The following TUSC3 variants were observed in gnomAD, a reference collection of about 807,000 sequenced individuals.
TUSC3 encodes tumor suppressor candidate 3.
TUSC3 carries 45 observed loss-of-function variants against 44.8 expected under a neutral mutation model. The ratio of observed to expected loss-of-function variants is 1.00; its 90% CI spans 0.79 to 1.29. The LOEUF (loss-of-function observed/expected upper bound fraction) is 1.29, where lower values mean the gene tolerates loss of function less well. Ranked by LOEUF, TUSC3 falls within the 50% of genes most tolerant of loss-of-function variation. TUSC3 has a pLI of 0.00. For synonymous variants in TUSC3, 212 were observed against 152.9 expected, an observed-to-expected ratio of 1.39 and a Z score of -2.85; for missense variants, 519 against 437.9, an observed-to-expected ratio of 1.19 and a Z score of -1.65.
the TUSC3 span, among the ~76,000 whole-genome samples, chr8:15,842,698 A>C: frequency 2.6e-5 from 4 of 152,328 alleles, no homozygotes; most frequent in South Asian, 6.2e-4. Context: ...AGAAAAACAG[A>C]AAAATTTTTG....
chr8:15,805,303 C>T, the TUSC3 span, among the ~76,000 whole-genome samples: 2 of 151,996 alleles, frequency 1.3e-5, no homozygotes, highest in Non-Finnish European at 2.9e-5. Flanking sequence ...TTCTCCTTTC[C>T]TATTTGGGTG....
intron 1 of TUSC3, among the ~76,000 whole-genome samples, chr8:15,563,792 A>C (rs1363643509): frequency 1.3e-5 from 2 of 152,014 alleles, no homozygotes; most frequent in Admixed American, 1.3e-4. Context: ...TGATACTGAG[A>C]AAATAGTTAT....
At chr8:15,421,585 T>C (rs749311945) in intron 1 of TUSC3, among the ~76,000 whole-genome samples, 5 of 152,182 alleles carry the variant, frequency 3.3e-5, no homozygotes, top group African/African-American at 4.8e-5. Context: ...TTTAGTTATT[T>C]GTTATTGTCT....
intron 1 of TUSC3, among the ~76,000 whole-genome samples, chr8:15,606,462 G>A (rs1389957193): frequency 6.6e-6 from 1 of 152,012 alleles, no homozygotes; most frequent in Admixed American, 6.6e-5. Flanking sequence ...TTTTGACTGT[G>A]TGGGTGCCCC....
At chr8:15,683,869 G>T (rs1808518373) in intron 6 of TUSC3, among the ~76,000 whole-genome samples, 2 of 152,034 alleles carry the variant, frequency 1.3e-5, no homozygotes, top group Admixed American at 1.3e-4. Flanking sequence ...TAGTCAGCTG[G>T]CTTCGTTTCT....
chr8:15,679,122 A>G (rs1405950410), intron 6 of TUSC3, among the ~76,000 whole-genome samples: 3 of 152,206 alleles, frequency 2.0e-5, no homozygotes, highest in African/African-American at 7.2e-5. Flanking sequence ...GTATATACCC[A>G]GTAACGAGAT....
At chr8:15,682,286 G>A (rs865797186) in intron 6 of TUSC3, among the ~76,000 whole-genome samples, 3 of 152,118 alleles carry the variant, frequency 2.0e-5, no homozygotes, top group South Asian at 4.1e-4. Context: ...TTGTGTGCCT[G>A]TCCAAGTCTT....
chr8:15,432,829 A>G (rs1326186695), intron 1 of TUSC3, among the ~76,000 whole-genome samples: 2 of 152,088 alleles, frequency 1.3e-5, no homozygotes, highest in Non-Finnish European at 2.9e-5. Flanking sequence ...ATGGAAAACT[A>G]CAGAAGGCTG....
intron 9 of TUSC3, among the ~76,000 whole-genome samples, chr8:15,757,171 G>C (rs933041539): frequency 6.6e-6 from 1 of 152,126 alleles, no homozygotes; most frequent in Non-Finnish European, 1.5e-5. Context: ...AGGTATCGCA[G>C]TTCCAATTCT....
chr8:15,673,569 T>A (rs889543040), intron 5 of TUSC3, among the ~76,000 whole-genome samples, 178 bp from the exon 6 acceptor site: 9 of 152,118 alleles, frequency 5.9e-5, no homozygotes, highest in Admixed American at 2.0e-4. Context: ...GAATCTGAGA[T>A]GCAGGGAGAA....
chr8:15,512,931 CAT>C (rs10696221), intron 2 of TUSC3, among the ~76,000 whole-genome samples: 131 of 110,590 alleles, frequency 1.2e-3, no homozygotes, highest in East Asian at 5.6e-3. Context: ...TATATATAAT[CAT>C]ATATATATAT....
intron 2 of TUSC3, among the ~76,000 whole-genome samples, chr8:15,485,674 T>C (rs1055279769): frequency 1.3e-5 from 2 of 152,186 alleles, no homozygotes; most frequent in South Asian, 2.1e-4. Flanking sequence ...AGAGTATGTG[T>C]TGGGAATGAA....
At chr8:15,470,144 G>A (rs1038979698) in intron 1 of TUSC3, among the ~76,000 whole-genome samples, 1 of 151,616 alleles carries the variant, frequency 6.6e-6, no homozygotes, top group Admixed American at 6.6e-5. Context: ...GCATGGTAGT[G>A]CGTGCCTGTA....
chr8:15,799,378 G>A, the TUSC3 span, among the ~76,000 whole-genome samples: 4 of 148,374 alleles, frequency 2.7e-5, no homozygotes, highest in African/African-American at 7.3e-5. Flanking sequence ...GAAAGGGGTG[G>A]ACATTTTTGC....
chr8:15,674,933 C>T (rs1002751874), intron 6 of TUSC3, among the ~76,000 whole-genome samples: 32 of 152,014 alleles, frequency 2.1e-4, no homozygotes, highest in African/African-American at 7.5e-4. Context: ...ATGCTGGCTT[C>T]CCAACAAGAT....
At chr8:15,803,800 T>C in the TUSC3 span, among the ~76,000 whole-genome samples, 1 of 152,256 alleles carries the variant, frequency 6.6e-6, no homozygotes, top group African/African-American at 2.4e-5. Flanking sequence ...ACATGGGGTG[T>C]TTGGTTTTCT....
intron 1 of TUSC3, among the ~76,000 whole-genome samples, chr8:15,609,752 T>TA (rs140799021): frequency 5.0e-4 from 75 of 151,024 alleles, no homozygotes; most frequent in African/African-American, 1.5e-3. Context: ...CAACAAACAT[T>TA]TAAAAAAAAA....
intron 9 of TUSC3, among the ~76,000 whole-genome samples, chr8:15,753,544 G>C (rs1391833116): frequency 6.6e-6 from 1 of 152,028 alleles, no homozygotes; most frequent in Non-Finnish European, 1.5e-5. Flanking sequence ...CATTTAAAAA[G>C]TTTTAATCCC....
intron 1 of TUSC3, among the ~76,000 whole-genome samples, chr8:15,480,077 G>A (rs1200152867): frequency 6.6e-6 from 1 of 152,004 alleles, no homozygotes; most frequent in Non-Finnish European, 1.5e-5. Context: ...ACAATACCTA[G>A]GAATACAGCT....
Sources: gnomAD v4.1 joint callset for allele counts (sites outside exome capture counted in the v4.1 genomes callset) on GRCh38, gnomAD v4.1.1 for gene constraint, MANE v1.5 for transcripts, NCBI Gene and HGNC (gene_info 2026-07-23, HGNC 2026-07-21) for gene names.